DERA: variants seen among roughly 807,000 people sequenced by gnomAD.
DERA encodes deoxyribose-phosphate aldolase, also known as 2-deoxy-D-ribose 5-phosphate aldolase.
Under a neutral mutation model 41.1 loss-of-function variants are expected in DERA, and 15 were observed. The ratio of observed to expected loss-of-function variants is 0.37; its 90% confidence interval spans 0.24 to 0.56. The LOEUF is 0.56. DERA is among the 20% of genes least tolerant of loss of function. The pLI, the probability that DERA is intolerant of heterozygous loss-of-function variation, is 0.81. For missense variants in DERA, 396 were observed against 403.4 expected (o/e 0.98, Z 0.16); for synonymous variants, 139 against 137.4 (o/e 1.01, Z -0.08).
chr12:15,962,872 T>C lies in DERA; in HGVS notation c.433T>C (p.Leu145=), dbSNP rs200625241. ...HLKTRLEEIR[L]AVEDGATEID... The stretch of plus-strand genomic sequence containing the variant: ...GAAGACACGATTAGAAGAGATCAGA[T>C]TGGCTGTGGAAGATGGAGCTACAGA... The change falls in exon 5 of 9, where the codon TTG becomes CTG. Residue 145 remains leucine (L), a synonymous_variant. Transcript: ENST00000428559. 3,908 of 1,578,930 alleles carry C rather than the reference T, an allele frequency of 2.5e-3. 8 individuals carry two copies. Among genetic ancestry groups the C allele is most frequent in the Non-Finnish European group, 3.1e-3 (3,622 of 1,160,858 alleles).
rs1041089632 is a variant in DERA, at chr12:15,967,362, C to T, written c.508+4415C>T. Among the ~76,000 whole-genome samples, 10 of 151,936 alleles carry T rather than the reference C, an allele frequency of 6.6e-5. No individual in the cohort carries two copies. The South Asian group carries it at 8.3e-4, about 13-fold the overall frequency. The stretch of plus-strand genomic sequence containing the variant: ...GTGCCACTGCACTCATAAGCCACTG[C>T]GCCTGGCCTAATAGATTTATTTCTG... On this transcript the variant is annotated intron_variant, in intron 5 of 8. Transcript: ENST00000428559. This position sits in a 1 kb window ranked among gnomAD's most constrained non-coding sequence, Gnocchi z 4.9.
intron 1 of DERA, among the ~76,000 whole-genome samples, chr12:15,934,667 A>G (rs1948352747): frequency 6.6e-6 from 1 of 152,140 alleles, no homozygotes; most frequent in Non-Finnish European, 1.5e-5. Context: ...GGGAAACTTA[A>G]CAGATATTTT....
At chr12:15,949,906 T>C (rs1948484364) in intron 1 of DERA, among the ~76,000 whole-genome samples, 1 of 152,234 alleles carries the variant, frequency 6.6e-6, no homozygotes, top group African/African-American at 2.4e-5. Flanking sequence ...TCATGACTTA[T>C]CTGTGAGTTA....
rs1948832401 is a variant in DERA at position 15,995,733 on chromosome 12, T to C, written c.637+13297T>C. Among the ~76,000 whole-genome samples, 1 of 152,122 alleles carries C rather than the reference T, an allele frequency of 6.6e-6. No homozygotes were observed. The highest frequency in any genetic ancestry group is 2.4e-5 in the African/African-American group (1 of 41,410). ...TTTAGAGGGAAGTCACAGCACAGGA[T>C]GAGATAAATTGAACCCTTCTCATGA... On this transcript the variant is annotated intron_variant, in intron 6 of 8. Coordinates refer to ENST00000428559, the MANE Select transcript of DERA (RefSeq NM_015954.4). This position sits in a 1 kb window ranked among gnomAD's most constrained non-coding sequence, Gnocchi z 5.1.
At chr12:16,018,215 A>G (rs765727597) in intron 6 of DERA, among the ~76,000 whole-genome samples, 3 of 152,102 alleles carry the variant, frequency 2.0e-5, no homozygotes, top group Non-Finnish European at 2.9e-5. Flanking sequence ...TCTTGTTTCT[A>G]TGAAGTCTGA....
At chr12:15,962,724 A>G (rs1327676777) in intron 4 of DERA, 89 bp from the exon 5 acceptor site, 1 of 1,112,416 alleles carries the variant, frequency 9.0e-7, no homozygotes, top group Non-Finnish European at 1.3e-6. Flanking sequence ...ACTACTGACC[A>G]ATTGAAATTT....
intron 1 of DERA, among the ~76,000 whole-genome samples, chr12:15,953,052 A>G (rs1340115787): frequency 6.6e-6 from 1 of 152,136 alleles, no homozygotes; most frequent in African/African-American, 2.4e-5. Context: ...CACTAGATAC[A>G]AGTGGCACCT....
intron 6 of DERA, among the ~76,000 whole-genome samples, chr12:16,006,660 GTC>G (rs1948912927): frequency 6.6e-6 from 1 of 152,214 alleles, no homozygotes; most frequent in Admixed American, 6.5e-5. Flanking sequence ...TTTTGGACAT[GTC>G]TCTCAGCATA....
intron 1 of DERA, chr12:15,956,619 A>G: frequency 2.5e-6 from 1 of 406,520 alleles, no homozygotes; most frequent in African/African-American, 2.1e-5. Context: ...GGTAACACAC[A>G]TTTCCCACGT....
chr12:15,919,130 A>C (rs1270548268), intron 1 of DERA, among the ~76,000 whole-genome samples: 2 of 152,248 alleles, frequency 1.3e-5, no homozygotes, highest in East Asian at 3.8e-4. Flanking sequence ...TTGTAAGCAT[A>C]AATGATGAGG....
intron 1 of DERA, among the ~76,000 whole-genome samples, chr12:15,937,825 G>T (rs1040890339): frequency 1.3e-5 from 2 of 152,186 alleles, no homozygotes; most frequent in African/African-American, 4.8e-5. Flanking sequence ...TTATTCTGGT[G>T]TATCAGGGCT....
rs560912063 is a variant in DERA at position 15,916,135 on chromosome 12, CA to C, written c.31+4723del. On this transcript the variant is annotated intron_variant, in intron 1 of 8. Transcript: ENST00000428559. ...ATTGCAGTTTGTTTCAGAGAAGATG[CA>C]ATTTATCCTGAGGGAGAATGGAAAA... 1.7e-4 allele frequency: 26 copies of C among 152,270 alleles called. No individual in the cohort carries two copies. The East Asian group carries it at 4.6e-3, about 27-fold the overall frequency. The allele number at this position is 152,270 out of a possible 1,614,324, so 9.4% of individuals were successfully genotyped here.
chr12:16,003,573 C>G lies in DERA; in HGVS notation c.637+21137C>G, dbSNP rs1318048288. 6.6e-6 allele frequency among the ~76,000 whole-genome samples: 1 copy of G among 152,108 alleles called. No homozygotes were observed. The highest frequency in any genetic ancestry group is 1.5e-5 in the Non-Finnish European group (1 of 68,032). ...TTAGGGTTTGGGTTAGAGAAGCCTA[C>G]TACTGTAGGCTAGATGCCAACTAAA... On this transcript the variant is annotated intron_variant, in intron 6 of 8. Transcript: ENST00000428559. This position sits in a 1 kb window ranked among gnomAD's most constrained non-coding sequence, Gnocchi z 4.8.
At chr12:16,016,258 C>G (rs539488960) in intron 6 of DERA, among the ~76,000 whole-genome samples, 56 of 152,242 alleles carry the variant, frequency 3.7e-4, no homozygotes, top group South Asian at 2.1e-4. Flanking sequence ...TACAAATCTT[C>G]TAGGGCTCCC....
chr12:15,914,060 T>A (rs1311885953), intron 1 of DERA, among the ~76,000 whole-genome samples: 1 of 152,188 alleles, frequency 6.6e-6, no homozygotes, highest in Admixed American at 6.5e-5. Context: ...GTACCTAGAA[T>A]AGTGTTTGGT....
Position 15,988,149 on chromosome 12 carries a change from C to G in DERA, c.637+5713C>G, listed in dbSNP as rs1247716905. Among the ~76,000 whole-genome samples, 1 of 152,162 alleles carries G rather than the reference C, an allele frequency of 6.6e-6. No homozygotes were observed. The highest frequency in any genetic ancestry group is 1.5e-5 in the Non-Finnish European group (1 of 68,028). On this transcript the variant is annotated intron_variant, in intron 6 of 8. Transcript: ENST00000428559. This position sits in a 1 kb window ranked among gnomAD's most constrained non-coding sequence, Gnocchi z 6.0. ...GTGTTACAGCATGTCACAGGCCTAG[C>G]TGGGGGAGCCCTGAGTTCTGGGCTC... is the stretch of plus-strand genomic sequence containing the variant.
In DERA at chr12:16,032,536, T is replaced by G; in HGVS notation, c.638-6T>G. 1.4e-6 allele frequency: 2 copies of G among 1,435,562 alleles called. No homozygotes were observed. The highest frequency in any genetic ancestry group is 1.4e-5 in the South Asian group (1 of 71,760). The allele number at this position is 1,435,562 out of a possible 1,614,324, so 88.9% of individuals were successfully genotyped here. On this transcript the variant is annotated splice_polypyrimidine_tract_variant and splice_region_variant and intron_variant, in intron 6 of 8. Transcript: ENST00000428559. ...TAACATGGAGTTTTTCCTCTTTTTG[T>G]TTTAGGATCAGATTTTATTAAGACC...
rs1948962814 is a variant in DERA, at chr12:16,013,849, AGTGGTCTCAG to A, written c.638-18688_638-18679del. 6.6e-6 allele frequency among the ~76,000 whole-genome samples: 1 copy of A among 152,182 alleles called. No homozygotes were observed. Among genetic ancestry groups the A allele is most frequent in the South Asian group, 2.1e-4 (1 of 4,824 alleles). On this transcript the variant is annotated intron_variant, in intron 6 of 8. Transcript: ENST00000428559. The surrounding 1 kb of genome is among the most constrained non-coding windows in gnomAD (Gnocchi z 5.8). Reference sequence around the variant, plus strand: ...ATTTGGACAATGAAGTCCAGGCTGAAGTGGTCTCAGGTGGAGATCAGGAACTTGTAGAGGA... The same window carrying A: ...ATTTGGACAATGAAGTCCAGGCTGAAGTGGAGATCAGGAACTTGTAGAGGA...
In DERA at chr12:15,915,551, T is replaced by A. The variant is rs1475078224; in HGVS notation, c.31+4137T>A. Among the ~76,000 whole-genome samples the A allele has an allele frequency of 6.6e-6, 1 of 152,174 alleles. No homozygotes were observed. The highest frequency in any genetic ancestry group is 1.5e-5 in the Non-Finnish European group (1 of 68,032). On this transcript the variant is annotated intron_variant, in intron 1 of 8. Coordinates refer to ENST00000428559, the MANE Select transcript of DERA (RefSeq NM_015954.4). The surrounding 1 kb of genome is among the most constrained non-coding windows in gnomAD (Gnocchi z 4.8). ...CTCAAGTGATACTCCAGCCTCTGCC[T>A]CCCAAAGTGCTAGGATTATAGGCAT... is the stretch of plus-strand genomic sequence containing the variant.
Sources: gnomAD v4.1 joint callset for allele counts (sites outside exome capture counted in the v4.1 genomes callset) on GRCh38, gnomAD v4.1.1 for gene constraint, Gnocchi (gnomAD v3.1) non-coding constraint, MANE v1.5 for transcripts, NCBI Gene and HGNC (gene_info 2026-07-23, HGNC 2026-07-21) for gene names.